The following COL2A1 variants were observed in gnomAD, a reference collection of about 807,000 sequenced individuals.
COL2A1 encodes the protein collagen type II alpha 1 chain.
COL2A1 carries 28 observed loss-of-function variants against 204.5 expected under a neutral mutation model. The ratio of observed to expected loss-of-function variants is 0.14; its 90% CI spans 0.10 to 0.19. The LOEUF (loss-of-function observed/expected upper bound fraction) is 0.19, where lower values mean the gene tolerates loss of function less well. Ranked by LOEUF, COL2A1 falls within the 10% of genes least tolerant of loss-of-function variation. The probability of loss-of-function intolerance (pLI) is 1.00; values close to 1 mark genes in which losing one functional copy is unlikely to be tolerated. For missense variants in COL2A1, 1,388 were observed against 2,027.5 expected (o/e 0.68, Z 6.06); for synonymous variants, 708 against 718.7 (o/e 0.99, Z 0.24).
Position 47,995,779 on chromosome 12 carries a change from A to C in COL2A1, c.655-16T>G. 6.2e-7 allele frequency: 1 copy of C among 1,613,954 alleles called. No individual in the cohort carries two copies. Among genetic ancestry groups the C allele is most frequent in the Non-Finnish European group, 8.5e-7 (1 of 1,179,862 alleles). On this transcript the variant is annotated splice_polypyrimidine_tract_variant and intron_variant, in intron 9 of 53. Coordinates refer to ENST00000380518, the MANE Select transcript of COL2A1 (RefSeq NM_001844.5). ...CTTGAGGCCCCTAAAAAGTAAAATGAGGATACCAGGTCAATCCCTATAAAC... is the reference window on the plus strand; with the variant it reads ...CTTGAGGCCCCTAAAAAGTAAAATGCGGATACCAGGTCAATCCCTATAAAC...
intron 35 of COL2A1, 83 bp from the exon 36 acceptor site, chr12:47,981,912 C>A: frequency 7.0e-7 from 1 of 1,422,232 alleles, no homozygotes; most frequent in Non-Finnish European, 9.8e-7. Flanking sequence ...AACCTTGGTG[C>A]GTGCTCCCAC....
rs121912874 is a variant in COL2A1, at chr12:47,978,329, G to A, written c.2965C>T (p.Arg989Cys). The A allele has an allele frequency of 6.2e-7, 1 of 1,614,030 alleles. No homozygotes were observed. The highest frequency in any genetic ancestry group is 8.5e-7 in the Non-Finnish European group (1 of 1,180,018). ...AAGCCAGGGAATCCTCTCTCACCAC[G>A]TTGCCCAGGCAGACCGACGATGCCT... is the stretch of plus-strand genomic sequence containing the variant. ...QRGIVGLPGQRGERGFPGLPG... is the reference protein window; with the variant it reads ...QRGIVGLPGQCGERGFPGLPG... Residue 989 changes from arginine to cysteine, a missense_variant, in exon 43 of 54, where the codon CGT (arginine) becomes TGT (cysteine). By Grantham distance (180) the Arg-to-Cys change is radical. Coordinates refer to ENST00000380518, the MANE Select transcript of COL2A1 (RefSeq NM_001844.5). This position sits in a 1 kb window ranked among gnomAD's most constrained non-coding sequence, Gnocchi z 5.5.
Position 47,978,853 on chromosome 12 carries a change from T to C in COL2A1, c.2734-95A>G, listed in dbSNP as rs374924290. 1.3e-5 allele frequency: 17 copies of C among 1,318,170 alleles called. No individual in the cohort carries two copies. The African/African-American group carries it at 2.2e-4, about 17-fold the overall frequency. 81.7% of individuals were successfully genotyped at this position (1,318,170 alleles called of 1,614,324 possible). A position where few individuals can be genotyped will look rare whatever the true frequency, so the allele number is the denominator to read the frequency against. On this transcript the variant is annotated intron_variant, in intron 41 of 53. Transcript: ENST00000380518. The surrounding 1 kb of genome is among the most constrained non-coding windows in gnomAD (Gnocchi z 5.5). ...TGGCCTCAGTGACAGCAGTTTCCTC[T>C]CTGGGGGCTTCTCTACCTCCCCACA...
Position 47,983,973 on chromosome 12 carries a change from T to C in COL2A1, c.1941+114A>G, listed in dbSNP as rs55744743. On this transcript the variant is annotated intron_variant, in intron 29 of 53. Coordinates refer to ENST00000380518, the MANE Select transcript of COL2A1 (RefSeq NM_001844.5). ...CTCAGCTCAGAGTGAGTCTGGTGTA[T>C]CAGCTCAGCCCACATTCACATCTGT... 0.062 allele frequency: 65,351 copies of C among 1,055,076 alleles called. 2,487 individuals carry two copies. The highest frequency in any genetic ancestry group is 0.077 in the Non-Finnish European group (54,294 of 702,226). 65.4% of individuals were successfully genotyped at this position (1,055,076 alleles called of 1,614,324 possible).
At chr12:47,981,670 G>T (rs2136543653) in intron 36 of COL2A1, 106 bp downstream of exon 36, 4 of 1,305,646 alleles carry the variant, frequency 3.1e-6, no homozygotes, top group Non-Finnish European at 4.3e-6. Flanking sequence ...CCTTGGCCGA[G>T]GGTGACAGTG....
chr12:47,985,573 G>T lies in COL2A1; in HGVS notation c.1695C>A (p.Arg565=). ...GLPGARGLTG[R]PGDAGPQGKV... is the part of the protein sequence containing the mutation. ...TGCCTTGAGGACCAGCATCACCAGG[G>T]CGGCCAGTGAGACCCTTTGTTCAGG... Residue 565 remains arginine (R), a synonymous_variant, in exon 26 of 54, where the codon CGC becomes CGA. Coordinates refer to ENST00000380518, the MANE Select transcript of COL2A1 (RefSeq NM_001844.5). 1 of 1,614,024 alleles carries T rather than the reference G, an allele frequency of 6.2e-7. No individual in the cohort carries two copies. The highest frequency in any genetic ancestry group is 8.5e-7 in the Non-Finnish European group (1 of 1,180,008).
chr12:47,977,897 T>A, intron 44 of COL2A1, 113 bp downstream of exon 44: 1 of 1,089,598 alleles, frequency 9.2e-7, no homozygotes, highest in Non-Finnish European at 1.4e-6. Context: ...CGGCCGACAC[T>A]GCCACCCCCT....
chr12:47,976,058 G>A lies in COL2A1; in HGVS notation c.3502C>T (p.Pro1168Ser). The change falls in exon 50 of 54, where the codon CCC (proline) becomes TCC (serine). Residue 1168 changes from proline (P) to serine (S), a missense_variant. Physicochemically the swap from Pro to Ser is moderately conservative, Grantham distance 74 (BLOSUM62 -1). Transcript: ENST00000380518. This position sits in a 1 kb window ranked among gnomAD's most constrained non-coding sequence, Gnocchi z 4.3. ...GPSGPRGPPG[P>S]VGPSGKDGAN... ...CCATCTTTGCCAGAGGGACCGACGG[G>A]GCCAGGAGGACCCTGCAAGAGAGAG... 1 of 1,612,712 alleles carries A rather than the reference G, an allele frequency of 6.2e-7. No homozygotes were observed. Among genetic ancestry groups the A allele is most frequent in the Non-Finnish European group, 8.5e-7 (1 of 1,178,814 alleles).
chr12:47,981,004 C>T (rs1043607761), intron 37 of COL2A1, 36 bp from the exon 38 acceptor site: 3 of 1,539,258 alleles, frequency 1.9e-6, no homozygotes, highest in African/African-American at 2.7e-5. Flanking sequence ...AGGTCAGGCC[C>T]CGCTGCCTGA....
chr12:48,004,326 C>T lies in COL2A1; in HGVS notation c.-5G>A, dbSNP rs376791587. ...GGGAGCCCCGAGGCGAATCATGGCT[C>T]ACCGCGGGGCCTGGCTGAGCCGGGC... is the stretch of plus-strand genomic sequence containing the variant. On this transcript the variant is annotated 5_prime_UTR_variant, in exon 1 of 54. Coordinates refer to ENST00000380518, the MANE Select transcript of COL2A1 (RefSeq NM_001844.5). The T allele has an allele frequency of 6.5e-6, 10 of 1,539,182 alleles. No homozygotes were observed. The South Asian group carries it at 8.4e-5, about 13-fold the overall frequency.
Position 47,987,064 on chromosome 12 carries a change from C to T in COL2A1, c.1365+14G>A. On this transcript the variant is annotated intron_variant, in intron 21 of 53. Transcript: ENST00000380518. The surrounding 1 kb of genome is among the most constrained non-coding windows in gnomAD (Gnocchi z 4.1). ...AGATGTCAGTGGAACTTGGGGGTCA[C>T]TTTGGGCTCTTACCGTCTGACCTTT... The T allele has an allele frequency of 1.2e-6, 2 of 1,613,146 alleles. No individual in the cohort carries two copies. The highest frequency in any genetic ancestry group is 1.7e-6 in the Non-Finnish European group (2 of 1,179,102).
Position 47,976,403 on chromosome 12 carries a change from G to A in COL2A1, c.3489+111C>T. On this transcript the variant is annotated intron_variant, in intron 49 of 53. Transcript: ENST00000380518. The surrounding 1 kb of genome is among the most constrained non-coding windows in gnomAD (Gnocchi z 4.3). ...AGTCCTGCCCCCATTACTGAGTGAG[G>A]ACCCCTGAGCCCACAGCTTCCCCAG... 4.0e-6 allele frequency: 5 copies of A among 1,240,786 alleles called. No individual in the cohort carries two copies. The highest frequency in any genetic ancestry group is 5.9e-6 in the Non-Finnish European group (5 of 845,710). The allele number at this position is 1,240,786 out of a possible 1,614,324, so 76.9% of individuals were successfully genotyped here.
rs1262380762 is a variant in COL2A1, at chr12:47,976,468, C to T, written c.3489+46G>A. ...CCCTCCCCATGGGAACACAGGCCCA[C>T]ACTCTCTGAAGGGCCCCCTCCATCT... On this transcript the variant is annotated intron_variant, in intron 49 of 53. Transcript: ENST00000380518. The surrounding 1 kb of genome is among the most constrained non-coding windows in gnomAD (Gnocchi z 4.3). 3.1e-6 allele frequency: 5 copies of T among 1,595,136 alleles called. No individual in the cohort carries two copies. The Admixed American group carries it at 8.3e-5, about 27-fold the overall frequency.
rs1190711061 is a variant in COL2A1, at chr12:47,995,153, T to C, written c.762+102A>G. ...GACTGCCCAGTCTTGCTCCTCAAGA[T>C]ACCTCCACCCTGGGTGCCTCCCTGT... On this transcript the variant is annotated intron_variant, in intron 11 of 53. Transcript: ENST00000380518. 3.1e-6 allele frequency: 3 copies of C among 981,150 alleles called. No individual in the cohort carries two copies. The Admixed American group carries it at 5.1e-5, about 17-fold the overall frequency. The allele number at this position is 981,150 out of a possible 1,614,324, so 60.8% of individuals were successfully genotyped here.
chr12:47,988,456 C>T (rs1048531866), intron 18 of COL2A1: 1 of 154,352 alleles, frequency 6.5e-6, no homozygotes, highest in African/African-American at 2.4e-5. Flanking sequence ...CCTCAGGTTT[C>T]TTCTCAGAAC....
chr12:47,991,453 C>T (rs1939702015), intron 16 of COL2A1, among the ~76,000 whole-genome samples: 1 of 152,132 alleles, frequency 6.6e-6, no homozygotes, highest in Non-Finnish European at 1.5e-5. Flanking sequence ...ACACCCCGGA[C>T]ACTGCACAGC....
At chr12:48,005,134 C>G (rs1940419307), upstream of COL2A1, 1 of 152,636 alleles carries the variant, frequency 6.6e-6, no homozygotes, top group South Asian at 2.1e-4. Context: ...CCATCCAGCT[C>G]TGCGTTGAAG....
At chr12:47,977,794 A>G in intron 44 of COL2A1, 141 bp from the exon 45 acceptor site, 3 of 1,058,150 alleles carry the variant, frequency 2.8e-6, no homozygotes, top group Non-Finnish European at 4.3e-6. Context: ...TTCCTCACCA[A>G]GTTTCCCTCC....
rs1276202058 is a variant in COL2A1 at position 47,975,509 on chromosome 12, C to T, written c.3694G>A (p.Gly1232Ser). Residue 1232 changes from glycine to serine, a missense_variant, in exon 51 of 54, where the codon GGC (glycine) becomes AGC (serine). Physicochemically the swap from Gly to Ser is moderately conservative, Grantham distance 56 (BLOSUM62 0). Transcript: ENST00000380518. ...CGCATGTACTGCAGGGGGTCGGGGC[C>T]CTTCTCTCTCGGGCCTAAGCCAGCA... ...AFAGLGPREK[G>S]PDPLQYMRAD... 6.2e-7 allele frequency: 1 copy of T among 1,611,338 alleles called. No homozygotes were observed. The highest frequency in any genetic ancestry group is 8.5e-7 in the Non-Finnish European group (1 of 1,179,646).
Sources: allele counts gnomAD v4.1 joint callset (sites outside exome capture counted in the v4.1 genomes callset), GRCh38; gene constraint gnomAD v4.1.1; non-coding constraint Gnocchi (gnomAD v3.1); transcripts MANE v1.5; gene names NCBI Gene and HGNC (gene_info 2026-07-23, HGNC 2026-07-21).